Variants in RIMS2 observed in about 807,000 individuals in gnomAD.
RIMS2 encodes regulating synaptic membrane exocytosis 2, also known as regulating synaptic membrane exocytosis protein 2.
Under a neutral mutation model 174.4 loss-of-function variants are expected in RIMS2, and 59 were observed. The observed-to-expected ratio is 0.34, with a 90% CI of 0.27 to 0.42. RIMS2 has a LOEUF of 0.42. Ranked by LOEUF, RIMS2 falls within the 10% of genes least tolerant of loss-of-function variation. RIMS2 has a pLI of 1.00. For synonymous variants in RIMS2, 606 were observed against 572.5 expected (o/e 1.06, Z -0.84); for missense variants, 1,620 against 1,666.3 (o/e 0.97, Z 0.48).
At chr8:103,585,131 A>T (rs903653881) in intron 1 of RIMS2, among the ~76,000 whole-genome samples, 3 of 152,150 alleles carry the variant, frequency 2.0e-5, no homozygotes, top group Admixed American at 6.5e-5. Context: ...GCCAACAAAC[A>T]TATGAAAAAC....
intron 19 of RIMS2, among the ~76,000 whole-genome samples, chr8:104,168,972 C>T (rs2135319135): frequency 6.6e-6 from 1 of 151,858 alleles, no homozygotes; most frequent in East Asian, 1.9e-4. Flanking sequence ...TATGTTAAAC[C>T]ATCCCTGCAT....
chr8:104,010,663 T>G (rs1250346172), intron 17 of RIMS2, among the ~76,000 whole-genome samples: 1 of 152,110 alleles, frequency 6.6e-6, no homozygotes, highest in Non-Finnish European at 1.5e-5. Context: ...AAATAGAGAT[T>G]AGAAAATATA....
intron 1 of RIMS2, among the ~76,000 whole-genome samples, chr8:103,523,329 T>G (rs1832598972): frequency 6.6e-6 from 1 of 152,042 alleles, no homozygotes; most frequent in Non-Finnish European, 1.5e-5. Context: ...CTAGGAAAGA[T>G]GTGATTGACT....
intron 3 of RIMS2, among the ~76,000 whole-genome samples, chr8:103,857,684 G>A (rs545329515): frequency 7.9e-5 from 12 of 152,130 alleles, no homozygotes; most frequent in Admixed American, 7.2e-4. Flanking sequence ...TAATCAATTT[G>A]TTGTTTTTAG....
At chr8:104,185,070 C>G (rs769514554) in intron 19 of RIMS2, among the ~76,000 whole-genome samples, 1 of 151,526 alleles carries the variant, frequency 6.6e-6, no homozygotes, top group Non-Finnish European at 1.5e-5. Flanking sequence ...TTGTATGAAG[C>G]ATAATTGCCT....
intron 1 of RIMS2, among the ~76,000 whole-genome samples, chr8:103,581,853 A>T (rs910631659): frequency 6.6e-6 from 1 of 152,210 alleles, no homozygotes; most frequent in South Asian, 2.1e-4. Context: ...AGTGTAGGCC[A>T]TAAGGACTGC....
At chr8:103,895,173 G>GTT (rs571241543) in intron 4 of RIMS2, among the ~76,000 whole-genome samples, 132 of 137,814 alleles carry the variant, frequency 9.6e-4, no homozygotes, top group Middle Eastern at 3.7e-3. Flanking sequence ...CTTTGACAAG[G>GTT]TTTTTTTTTT....
At chr8:103,629,928 G>C (rs931876820) in intron 1 of RIMS2, among the ~76,000 whole-genome samples, 2 of 151,990 alleles carry the variant, frequency 1.3e-5, no homozygotes, top group Non-Finnish European at 2.9e-5. Context: ...CAGGGAGAGG[G>C]GGAGTAAAAT....
intron 19 of RIMS2, among the ~76,000 whole-genome samples, chr8:104,129,172 G>T (rs1446539391): frequency 6.6e-6 from 1 of 151,762 alleles, no homozygotes; most frequent in East Asian, 1.9e-4. Context: ...GATCCCTTGA[G>T]CCCAGGAGTT....
chr8:103,818,167 A>G (rs2098729750), intron 3 of RIMS2, among the ~76,000 whole-genome samples: 2 of 152,184 alleles, frequency 1.3e-5, no homozygotes, highest in Admixed American at 1.3e-4. Context: ...AAAAGAATTC[A>G]TAGCTTTTAA....
chr8:103,660,510 T>G (rs545147973), intron 1 of RIMS2, among the ~76,000 whole-genome samples: 5 of 152,286 alleles, frequency 3.3e-5, no homozygotes, highest in Non-Finnish European at 7.4e-5. Flanking sequence ...TCTGTCCTCA[T>G]TTTATTGGTG....
intron 3 of RIMS2, among the ~76,000 whole-genome samples, chr8:103,819,879 C>G (rs1482810063): frequency 6.6e-6 from 1 of 152,012 alleles, no homozygotes; most frequent in Non-Finnish European, 1.5e-5. Flanking sequence ...CAGGCTGTTT[C>G]ATTATTTTGT....
intron 3 of RIMS2, among the ~76,000 whole-genome samples, chr8:103,815,484 C>G (rs996696260): frequency 2.0e-5 from 3 of 152,104 alleles, no homozygotes; most frequent in African/African-American, 7.2e-5. Context: ...CAGTGAGACT[C>G]TAAAGATTCT....
At chr8:104,155,730 A>G (rs1290858536) in intron 19 of RIMS2, among the ~76,000 whole-genome samples, 1 of 152,062 alleles carries the variant, frequency 6.6e-6, no homozygotes, top group East Asian at 1.9e-4. Flanking sequence ...GTTAGTTTCA[A>G]CTACACTAAC....
At chr8:103,597,229 G>A (rs1420595464) in intron 1 of RIMS2, among the ~76,000 whole-genome samples, 2 of 152,132 alleles carry the variant, frequency 1.3e-5, no homozygotes, top group Admixed American at 6.6e-5. Context: ...TAACTATAGT[G>A]AGTTTTAGCT....
At chr8:103,922,736 T>G (rs2154529892) in intron 10 of RIMS2, 1 of 313,066 alleles carries the variant, frequency 3.2e-6, no homozygotes, top group East Asian at 9.5e-5. Flanking sequence ...TCCTTTGGTT[T>G]TTTTTGGGGG....
At chr8:104,218,726 C>T (rs189463627) in intron 19 of RIMS2, among the ~76,000 whole-genome samples, 1 of 152,084 alleles carries the variant, frequency 6.6e-6, no homozygotes, top group Non-Finnish European at 1.5e-5. Context: ...AAGGTTCGCA[C>T]TCCTGTGAGG....
chr8:103,868,300 C>T (rs955804842), intron 3 of RIMS2, among the ~76,000 whole-genome samples: 2 of 151,832 alleles, frequency 1.3e-5, no homozygotes, highest in Non-Finnish European at 2.9e-5. Context: ...CTTAGTTTTC[C>T]TTGAACTTGG....
chr8:103,936,499 G>A (rs1251858567), intron 12 of RIMS2, 52 bp from the exon 15 acceptor site: 1 of 1,235,290 alleles, frequency 8.1e-7, no homozygotes, highest in African/African-American at 1.6e-5. Context: ...AAAATTTTAG[G>A]ACAAAACTTA....
Sources: allele counts gnomAD v4.1 joint callset (sites outside exome capture counted in the v4.1 genomes callset), GRCh38; gene constraint gnomAD v4.1.1; transcripts MANE v1.5; gene names NCBI Gene and HGNC (gene_info 2026-07-23, HGNC 2026-07-21).